The following TAS2R1 variants were observed in gnomAD, a reference collection of about 807,000 sequenced individuals.
TAS2R1 encodes taste receptor type 2 member 1.
For missense variants in TAS2R1, 370 were observed against 353.4 expected (o/e 1.05, Z -0.38); for synonymous variants, 141 against 134.2 (o/e 1.05, Z -0.35).
the TAS2R1 span, among the ~76,000 whole-genome samples, chr5:9,755,552 A>T: frequency 4.9e-5 from 7 of 143,792 alleles, no homozygotes; most frequent in Non-Finnish European, 1.5e-5. Context: ...GTGCCATGGC[A>T]TTCCAGCCTG....
At chr5:9,899,552 GC>G in the TAS2R1 span, among the ~76,000 whole-genome samples, 1 of 151,500 alleles carries the variant, frequency 6.6e-6, no homozygotes, top group Non-Finnish European at 1.5e-5. Context: ...CAGAAGAATT[GC>G]TTGAACCCGG....
At chr5:9,818,989 T>C in the TAS2R1 span, among the ~76,000 whole-genome samples, 1 of 152,208 alleles carries the variant, frequency 6.6e-6, no homozygotes, top group South Asian at 2.1e-4. Context: ...TTCGAAGCCA[T>C]GTATTATTCA....
chr5:9,891,517 C>T, the TAS2R1 span, among the ~76,000 whole-genome samples: 8 of 152,140 alleles, frequency 5.3e-5, no homozygotes, highest in Non-Finnish European at 1.0e-4. Context: ...GGATCCCATG[C>T]ACAGAGTATG....
the TAS2R1 span, among the ~76,000 whole-genome samples, chr5:9,902,468 T>A: frequency 6.6e-6 from 1 of 152,086 alleles, no homozygotes; most frequent in Non-Finnish European, 1.5e-5. Context: ...AAATTTGGCT[T>A]TCAATTTCTG....
the TAS2R1 span, among the ~76,000 whole-genome samples, chr5:9,728,762 C>G: frequency 1.3e-5 from 2 of 152,142 alleles, no homozygotes; most frequent in Non-Finnish European, 2.9e-5. Context: ...CCCTTAGTGG[C>G]AGATCTGGGA....
At chr5:9,643,318 T>C (rs1337982338) in intron 2 of TAS2R1, among the ~76,000 whole-genome samples, 1 of 152,220 alleles carries the variant, frequency 6.6e-6, no homozygotes, top group Non-Finnish European at 1.5e-5. Flanking sequence ...CTGTACAACA[T>C]GTTACTGTCC....
At chr5:9,773,048 T>C in the TAS2R1 span, among the ~76,000 whole-genome samples, 1 of 152,100 alleles carries the variant, frequency 6.6e-6, no homozygotes, top group Non-Finnish European at 1.5e-5. Context: ...TGCCACTTTG[T>C]TATTTTTCTG....
At chr5:9,888,832 G>C in the TAS2R1 span, among the ~76,000 whole-genome samples, 2 of 152,218 alleles carry the variant, frequency 1.3e-5, no homozygotes, top group African/African-American at 4.8e-5. Flanking sequence ...TGAGCAGTGA[G>C]AGGAGCCCAA....
At chr5:9,778,447 A>G in the TAS2R1 span, among the ~76,000 whole-genome samples, 1 of 152,352 alleles carries the variant, frequency 6.6e-6, no homozygotes, top group Non-Finnish European at 1.5e-5. Context: ...AAGATAATCA[A>G]TCTGTCTCCC....
chr5:9,809,214 T>A, the TAS2R1 span, among the ~76,000 whole-genome samples: 1 of 152,152 alleles, frequency 6.6e-6, no homozygotes. Context: ...ATTTTAGAGC[T>A]GATGCTAGAA....
intron 1 of TAS2R1, among the ~76,000 whole-genome samples, chr5:9,700,781 A>G (rs1483543944): frequency 6.6e-6 from 1 of 152,024 alleles, no homozygotes; most frequent in Non-Finnish European, 1.5e-5. Context: ...CTCTGTCTTC[A>G]TGTGGCTTCT....
chr5:9,777,881 T>TGCTGGTGAGTAGTAATATTCTGAAAAAAG, the TAS2R1 span, among the ~76,000 whole-genome samples: 1 of 151,424 alleles, frequency 6.6e-6, no homozygotes, highest in Non-Finnish European at 1.5e-5. Context: ...CCAGGTGTTT[T>TGCTGGTGAGTAGTAATATTCTGAAAAAAG]TTTTTTTTTT....
chr5:9,739,225 CT>C, the TAS2R1 span, among the ~76,000 whole-genome samples: 1 of 152,134 alleles, frequency 6.6e-6, no homozygotes, highest in Non-Finnish European at 1.5e-5. Context: ...TTTTCTTTCC[CT>C]TTTGGAGCTT....
At position 9,669,803 on chromosome 5, in the gene TAS2R1, A is replaced by G. The variant is rs947525741; in HGVS notation, c.-241-10222T>C. Reference sequence around the variant, plus strand: ...TTACAGCTGCAAAGGCCCACATCAAAAAGTTAGAAAGATCTCAGATTAACA... The same window carrying G: ...TTACAGCTGCAAAGGCCCACATCAAGAAGTTAGAAAGATCTCAGATTAACA... On this transcript the variant is annotated intron_variant, in intron 1 of 2. Coordinates refer to the TAS2R1 transcript ENST00000506620. 6.6e-5 allele frequency among the ~76,000 whole-genome samples: 10 copies of G among 152,268 alleles called. 1 individual carries two copies. Among genetic ancestry groups the G allele is most frequent in the Admixed American group, 3.3e-4 (5 of 15,282 alleles).
the TAS2R1 span, among the ~76,000 whole-genome samples, chr5:9,873,783 T>C: frequency 6.7e-6 from 1 of 149,576 alleles, no homozygotes; most frequent in Admixed American, 6.7e-5. Context: ...GCAGGAGAAT[T>C]GCTTGAACCC....
chr5:9,863,087 A>G, the TAS2R1 span: 1 of 152,154 alleles, frequency 6.6e-6, no homozygotes, highest in Admixed American at 6.5e-5. Flanking sequence ...CATAGAGTAC[A>G]TGATGGAAAC....
chr5:9,816,971 T>C, the TAS2R1 span, among the ~76,000 whole-genome samples: 1 of 152,244 alleles, frequency 6.6e-6, no homozygotes, highest in Non-Finnish European at 1.5e-5. Context: ...GCAAATTTTC[T>C]ACAATATATA....
At chr5:9,870,784 G>A in the TAS2R1 span, among the ~76,000 whole-genome samples, 1 of 152,130 alleles carries the variant, frequency 6.6e-6, no homozygotes, top group East Asian at 1.9e-4. Context: ...AGCCAAGTAG[G>A]TGTTCTCCAT....
chr5:9,896,140 C>T, the TAS2R1 span, among the ~76,000 whole-genome samples: 1 of 152,208 alleles, frequency 6.6e-6, no homozygotes, highest in African/African-American at 2.4e-5. Context: ...CCCCGCCTCC[C>T]CAGGCAACTT....
Sources: gnomAD v4.1 joint callset for allele counts (sites outside exome capture counted in the v4.1 genomes callset) on GRCh38, gnomAD v4.1.1 for gene constraint, MANE v1.5 for transcripts, NCBI Gene and HGNC (gene_info 2026-07-23, HGNC 2026-07-21) for gene names.